Variants in SAMD3 observed in about 807,000 individuals in gnomAD.
SAMD3 encodes the protein sterile alpha motif domain containing 3.
SAMD3 carries 63 observed loss-of-function variants against 58.5 expected under a neutral mutation model. That is an observed-to-expected ratio of 1.08 (90% CI 0.88 to 1.33). The LOEUF (loss-of-function observed/expected upper bound fraction) is 1.33, where lower values mean the gene tolerates loss of function less well. Among genes scored for constraint, SAMD3 ranks in the 40% most tolerant of loss-of-function variants. SAMD3 has a pLI of 0.00. For synonymous variants in SAMD3, 220 were observed against 210.3 expected (o/e 1.05, Z -0.40); for missense variants, 604 against 608.4 (o/e 0.99, Z 0.08).
At chr6:130,364,709 T>C (rs1007935156) in intron 1 of SAMD3, among the ~76,000 whole-genome samples, 3 of 152,146 alleles carry the variant, frequency 2.0e-5, no homozygotes. Flanking sequence ...TTCTTTCTTT[T>C]TATAAAACAT....
At chr6:130,166,622 G>C (rs891193224) in intron 8 of SAMD3, among the ~76,000 whole-genome samples, 1 of 152,128 alleles carries the variant, frequency 6.6e-6, no homozygotes, top group Non-Finnish European at 1.5e-5. Context: ...ATAGAAGAAA[G>C]AATAAGGGAG....
intron 5 of SAMD3, among the ~76,000 whole-genome samples, chr6:130,195,107 G>A (rs145423648): frequency 0.017 from 2,630 of 152,030 alleles, 27 homozygotes; most frequent in South Asian, 0.043. Flanking sequence ...TTAGGCTGAG[G>A]CACTTTAACT....
At chr6:130,195,017 C>G (rs930672296) in intron 5 of SAMD3, among the ~76,000 whole-genome samples, 2 of 152,110 alleles carry the variant, frequency 1.3e-5, no homozygotes, top group Non-Finnish European at 2.9e-5. Context: ...CCTCTTAAAA[C>G]CCCCCAACTC....
intron 5 of SAMD3, 42 bp from the exon 6 acceptor site, chr6:130,184,665 AT>A: frequency 1.3e-6 from 2 of 1,512,914 alleles, no homozygotes; most frequent in Non-Finnish European, 1.8e-6. Context: ...TCTATTCCAA[AT>A]ATATGCAGTT....
intron 2 of SAMD3, among the ~76,000 whole-genome samples, chr6:130,283,048 T>G (rs1264925917): frequency 6.7e-6 from 1 of 149,664 alleles, no homozygotes. Flanking sequence ...ATGTGGAATT[T>G]AAATCCTAAG....
chr6:130,348,594 T>C (rs1777540354), intron 1 of SAMD3, among the ~76,000 whole-genome samples: 1 of 152,132 alleles, frequency 6.6e-6, no homozygotes, highest in African/African-American at 2.4e-5. Flanking sequence ...CTTAGAGACC[T>C]ACAAAGAGAC....
At chr6:130,274,209 C>T (rs1391861457) in intron 2 of SAMD3, among the ~76,000 whole-genome samples, 3 of 152,202 alleles carry the variant, frequency 2.0e-5, no homozygotes, top group Non-Finnish European at 4.4e-5. Flanking sequence ...TATCCTACCA[C>T]TGTCTCCTGG....
At chr6:130,284,944 G>A (rs759262227) in intron 2 of SAMD3, among the ~76,000 whole-genome samples, 5 of 152,162 alleles carry the variant, frequency 3.3e-5, no homozygotes, top group Non-Finnish European at 7.4e-5. Flanking sequence ...TAATAGTAGA[G>A]TAAGCAGACA....
intron 11 of SAMD3, 148 bp downstream of exon 11, chr6:130,145,192 A>C: frequency 2.2e-6 from 1 of 449,522 alleles, no homozygotes; most frequent in South Asian, 5.3e-5. Flanking sequence ...CAGGAGGTGG[A>C]GGCTGCAGTG....
chr6:130,266,338 C>T (rs1002817115), intron 2 of SAMD3, among the ~76,000 whole-genome samples: 1 of 152,118 alleles, frequency 6.6e-6, no homozygotes, highest in Non-Finnish European at 1.5e-5. Context: ...AATAGGAGAT[C>T]AATGGCCATA....
intron 5 of SAMD3, among the ~76,000 whole-genome samples, chr6:130,195,443 G>A (rs576760687): frequency 1.2e-4 from 19 of 152,180 alleles, no homozygotes; most frequent in Admixed American, 5.9e-4. Flanking sequence ...ACCTATCCTA[G>A]AACAAGACAA....
At chr6:130,304,589 C>T (rs1775853693) in intron 2 of SAMD3, among the ~76,000 whole-genome samples, 1 of 152,082 alleles carries the variant, frequency 6.6e-6, no homozygotes, top group Non-Finnish European at 1.5e-5. Context: ...TGACTTTTTA[C>T]TGAAGTTAAA....
chr6:130,145,227 C>T (rs577897947), intron 11 of SAMD3, 113 bp downstream of exon 11: 2 of 506,232 alleles, frequency 4.0e-6, no homozygotes, highest in South Asian at 1.1e-4. Context: ...CATTGTACTC[C>T]AGCCTGGGCA....
intron 2 of SAMD3, among the ~76,000 whole-genome samples, chr6:130,256,454 AC>A (rs931596824): frequency 5.3e-5 from 8 of 152,186 alleles, no homozygotes; most frequent in Non-Finnish European, 8.8e-5. Context: ...AAAATAAAAT[AC>A]TTTTTAAAAT....
intron 1 of SAMD3, among the ~76,000 whole-genome samples, chr6:130,337,633 A>G (rs1423297601): frequency 6.6e-6 from 1 of 152,322 alleles, no homozygotes; most frequent in South Asian, 2.1e-4. Flanking sequence ...GACTTGTTAC[A>G]TGGTTTTGAC....
At chr6:130,292,697 C>T (rs1583060224) in intron 2 of SAMD3, among the ~76,000 whole-genome samples, 1 of 151,890 alleles carries the variant, frequency 6.6e-6, no homozygotes, top group Admixed American at 6.6e-5. Context: ...TGGCTCACTG[C>T]AAGCTCCACC....
chr6:130,179,605 C>CAA (rs34174182), intron 7 of SAMD3, among the ~76,000 whole-genome samples: 11 of 121,298 alleles, frequency 9.1e-5, no homozygotes, highest in African/African-American at 1.6e-4. Context: ...ACTGTCTAGG[C>CAA]AAAAAAAAAA....
At chr6:130,357,864 T>A (rs569458158) in intron 1 of SAMD3, among the ~76,000 whole-genome samples, 1 of 152,358 alleles carries the variant, frequency 6.6e-6, no homozygotes, top group South Asian at 2.1e-4. Flanking sequence ...GGTCATCATG[T>A]TTTTTGTTGG....
intron 5 of SAMD3, among the ~76,000 whole-genome samples, chr6:130,200,118 T>A (rs1403229807): frequency 6.6e-6 from 1 of 152,120 alleles, no homozygotes; most frequent in Non-Finnish European, 1.5e-5. Context: ...AAAAAAACTT[T>A]TAAATCTTCC....
Sources: allele counts gnomAD v4.1 joint callset (sites outside exome capture counted in the v4.1 genomes callset), GRCh38; gene constraint gnomAD v4.1.1; transcripts MANE v1.5; gene names NCBI Gene and HGNC (gene_info 2026-07-23, HGNC 2026-07-21).